The following XYLB variants were observed in gnomAD, a reference collection of about 807,000 sequenced individuals.
XYLB encodes the protein xylulose kinase.
XYLB carries 62 observed loss-of-function variants against 78.7 expected under a neutral mutation model. That is an observed-to-expected ratio of 0.79 (90% confidence interval 0.64 to 0.97). XYLB has a LOEUF of 0.97. Among genes scored for constraint, XYLB ranks in the 50% least tolerant of loss-of-function variants. XYLB has a pLI of 0.00. For missense variants in XYLB, 687 were observed against 676.8 expected (o/e 1.02, Z -0.17); for synonymous variants, 245 against 247.4 (o/e 0.99, Z 0.09).
chr3:38,451,621 CA>C, the XYLB span: 1 of 143,430 alleles, frequency 7.0e-6, no homozygotes, highest in East Asian at 2.7e-4. Context: ...AACTCTGTCT[CA>C]AAAACAAAAA....
chr3:38,363,342 CT>C (rs1706078204), intron 4 of XYLB, among the ~76,000 whole-genome samples: 2 of 152,234 alleles, frequency 1.3e-5, no homozygotes, highest in Middle Eastern at 3.4e-3. Context: ...ACCACAATTG[CT>C]TTTCTATTTC....
chr3:38,429,631 T>C, the XYLB span, among the ~76,000 whole-genome samples: 1 of 152,330 alleles, frequency 6.6e-6, no homozygotes, highest in Non-Finnish European at 1.5e-5. Context: ...TACATAAGTA[T>C]ATATGTATTT....
chr3:38,365,270 A>G lies in XYLB; in HGVS notation c.363A>G (p.Leu121=), dbSNP rs1202967170. Residue 121 remains leucine, a synonymous_variant, in exon 5 of 19, where the codon CTA becomes CTG. Transcript: ENST00000207870. ...ALTSLSPDLR[L]HQQLQDCFSI... ...CAAGCTTATCACCAGACCTCCGGCT[A>G]CACCAGCAGCTGCAGGTAACTGTGG... The G allele has an allele frequency of 1.2e-6, 2 of 1,614,094 alleles. No individual in the cohort carries two copies. The highest frequency in any genetic ancestry group is 2.7e-5 in the African/African-American group (2 of 74,960).
the XYLB span, among the ~76,000 whole-genome samples, chr3:38,447,470 A>ATTTTTTTTTTTTTT: frequency 8.0e-6 from 1 of 124,948 alleles, no homozygotes; most frequent in African/African-American, 3.5e-5. Flanking sequence ...CATCTGGCTA[A>ATTTTTTTTTTTTTT]TTTTTTTTTT....
chr3:38,352,796 C>T (rs1302913881), intron 2 of XYLB, among the ~76,000 whole-genome samples: 1 of 151,806 alleles, frequency 6.6e-6, no homozygotes, highest in African/African-American at 2.4e-5. Context: ...GGGACAGAGC[C>T]ATACCTTGTC....
chr3:38,377,927 C>T (rs142700075), intron 14 of XYLB, among the ~76,000 whole-genome samples: 54 of 152,286 alleles, frequency 3.5e-4, no homozygotes, highest in Non-Finnish European at 6.5e-4. Context: ...TGACCTTTCT[C>T]GGGAAGGATT....
rs887860791 is a variant in XYLB, at chr3:38,354,900, G to A, written c.141-5439G>A. 2.0e-5 allele frequency among the ~76,000 whole-genome samples: 3 copies of A among 152,330 alleles called. No homozygotes were observed. The East Asian group carries it at 5.8e-4, about 29-fold the overall frequency. ...ATTAAGTCTTCCTGTCTAAGCACAC[G>A]TTATGACTTTCCATTTGTTCAAGTC... On this transcript the variant is annotated intron_variant, in intron 2 of 18. Transcript: ENST00000207870.
the XYLB span, among the ~76,000 whole-genome samples, chr3:38,431,110 A>T: frequency 6.6e-6 from 1 of 152,182 alleles, no homozygotes; most frequent in Non-Finnish European, 1.5e-5. Context: ...TGGTAGCTTG[A>T]TGGGGATGGC....
intron 9 of XYLB, among the ~76,000 whole-genome samples, chr3:38,371,981 G>A (rs704950): frequency 0.89 from 135,683 of 152,270 alleles, 61,105 homozygotes; most frequent in East Asian, 1. Flanking sequence ...TGTTTGCCTT[G>A]TGCGAGAACA....
intron 15 of XYLB, among the ~76,000 whole-genome samples, chr3:38,390,667 C>T (rs1559604946): frequency 6.6e-6 from 1 of 152,094 alleles, no homozygotes; most frequent in African/African-American, 2.4e-5. Context: ...GGACCACAGG[C>T]ATGCATCACC....
the XYLB span, among the ~76,000 whole-genome samples, chr3:38,448,177 C>G: frequency 1.6e-3 from 245 of 149,712 alleles, 1 homozygote; most frequent in African/African-American, 5.9e-3. Flanking sequence ...TATGTGGAAA[C>G]TAAAATATTT....
At chr3:38,442,901 A>G in the XYLB span, among the ~76,000 whole-genome samples, 1 of 152,006 alleles carries the variant, frequency 6.6e-6, no homozygotes, top group African/African-American at 2.4e-5. Flanking sequence ...TGTCCTTCCA[A>G]TGCCCAGACT....
At chr3:38,376,284 G>A (rs767754315) in intron 13 of XYLB, 52 bp downstream of exon 13, 2 of 1,380,278 alleles carry the variant, frequency 1.4e-6, no homozygotes, top group South Asian at 1.2e-5. Context: ...GCTGCCGACT[G>A]GAGGGGCAGA....
chr3:38,448,063 TAA>T, the XYLB span, among the ~76,000 whole-genome samples: 1 of 148,114 alleles, frequency 6.8e-6, no homozygotes. Flanking sequence ...AAATTTTAAT[TAA>T]AAAAAAAAGA....
chr3:38,368,365 C>G, intron 8 of XYLB, 108 bp downstream of exon 8: 1 of 949,284 alleles, frequency 1.1e-6, no homozygotes, highest in South Asian at 1.3e-5. Context: ...TCTTGTAGCC[C>G]TGTCATCTGT....
At chr3:38,407,300 A>G (rs1345781653) in intron 18 of XYLB, among the ~76,000 whole-genome samples, 3 of 150,378 alleles carry the variant, frequency 2.0e-5, no homozygotes, top group African/African-American at 2.4e-5. Flanking sequence ...ATAAGTGAAG[A>G]AGAAATAAAA....
In XYLB at chr3:38,382,158, G is replaced by A. The variant is rs150874693; in HGVS notation, c.1291+2816G>A. ...ACGTGATTATCGGGGCAGGTTCCCC[G>A]ATAATGGTGAAACCCCTTCTCTACA... On this transcript the variant is annotated intron_variant, in intron 15 of 18. Coordinates refer to ENST00000207870, the MANE Select transcript of XYLB (RefSeq NM_005108.4). Among the ~76,000 whole-genome samples the A allele has an allele frequency of 2.3e-3, 349 of 152,198 alleles. 7 individuals carry two copies. Among genetic ancestry groups the A allele is most frequent in the Admixed American group, 0.018 (276 of 15,288 alleles).
downstream of XYLB, among the ~76,000 whole-genome samples, chr3:38,418,284 A>T (rs1180574592): frequency 6.6e-6 from 1 of 152,082 alleles, no homozygotes; most frequent in Non-Finnish European, 1.5e-5. Context: ...CATATTTTAA[A>T]ATGCTTACTG....
chr3:38,401,142 C>T, intron 18 of XYLB, 157 bp downstream of exon 18: 1 of 656,392 alleles, frequency 1.5e-6, no homozygotes, highest in East Asian at 2.8e-5. Flanking sequence ...AGCTAAAGGG[C>T]CATGTTGTCA....
Sources: gnomAD v4.1 joint callset for allele counts (sites outside exome capture counted in the v4.1 genomes callset) on GRCh38, gnomAD v4.1.1 for gene constraint, MANE v1.5 for transcripts, NCBI Gene and HGNC (gene_info 2026-07-23, HGNC 2026-07-21) for gene names.